UBLCP1: variants seen among roughly 807,000 people sequenced by gnomAD.
The protein encoded by UBLCP1 is ubiquitin-like domain-containing CTD phosphatase 1.
In UBLCP1, 28 loss-of-function variants were observed where a neutral mutation model predicts 42.4. The observed-to-expected ratio is 0.66, with a 90% CI of 0.49 to 0.90. The LOEUF (loss-of-function observed/expected upper bound fraction) is 0.90. Among genes scored for constraint, UBLCP1 ranks in the 40% least tolerant of loss-of-function variants. The pLI is 0.00. For missense variants in UBLCP1, 279 were observed against 374.5 expected, an observed-to-expected ratio of 0.75 and a Z score of 2.10; for synonymous variants, 122 against 120.8, an observed-to-expected ratio of 1.01 and a Z score of -0.07.
chr5:159,281,235 C>G (rs1753602045), intron 9 of UBLCP1, among the ~76,000 whole-genome samples: 1 of 152,170 alleles, frequency 6.6e-6, no homozygotes, highest in South Asian at 2.1e-4. Context: ...CCTGTAATTT[C>G]CTGCTGTTTA....
intron 6 of UBLCP1, 68 bp from the exon 7 acceptor site, chr5:159,274,517 T>A (rs1479805228): frequency 2.1e-6 from 3 of 1,415,302 alleles, no homozygotes; most frequent in Non-Finnish European, 2.9e-6. Context: ...AAAACTTACT[T>A]ATACAGATTT....
intron 9 of UBLCP1, among the ~76,000 whole-genome samples, chr5:159,280,862 G>C (rs1753599177): frequency 6.6e-6 from 1 of 152,170 alleles, no homozygotes; most frequent in Admixed American, 6.5e-5. Context: ...TTTATCGGCT[G>C]AAAACTCCAT....
At chr5:159,269,488 C>T (rs750724207) in intron 2 of UBLCP1, among the ~76,000 whole-genome samples, 1 of 152,122 alleles carries the variant, frequency 6.6e-6, no homozygotes, top group Non-Finnish European at 1.5e-5. Flanking sequence ...GCATTCATAT[C>T]CAGTTTAAAA....
intron 6 of UBLCP1, among the ~76,000 whole-genome samples, chr5:159,272,425 A>G (rs375325886): frequency 6.7e-6 from 1 of 149,806 alleles, no homozygotes; most frequent in African/African-American, 2.5e-5. Context: ...TTTTTTTTTT[A>G]ACTAGGCACA....
intron 2 of UBLCP1, 48 bp from the exon 3 acceptor site, chr5:159,269,860 C>A: frequency 6.9e-7 from 1 of 1,447,974 alleles, no homozygotes; most frequent in Non-Finnish European, 9.7e-7. Flanking sequence ...AATAGTGAAA[C>A]CAGCACCTGA....
chr5:159,269,819 A>C, intron 2 of UBLCP1, 89 bp from the exon 3 acceptor site: 1 of 1,067,730 alleles, frequency 9.4e-7, no homozygotes, highest in Non-Finnish European at 1.4e-6. Flanking sequence ...ATCTGTACCA[A>C]ACCTTTTAAT....
intron 8 of UBLCP1, among the ~76,000 whole-genome samples, chr5:159,275,892 C>T (rs548685535): frequency 6.6e-6 from 1 of 152,278 alleles, no homozygotes; most frequent in African/African-American, 2.4e-5. Context: ...AGCGAAAACA[C>T]TCACCCTGCC....
At position 159,285,975 on chromosome 5, in the gene UBLCP1, G is replaced by A. The variant is rs1753674820; in HGVS notation, c.*1044G>A. On this transcript the variant is annotated 3_prime_UTR_variant, in exon 11 of 11. Transcript: ENST00000296786. The stretch of plus-strand genomic sequence containing the variant: ...GAATTGATCCTTTTAAAGAAACATG[G>A]TGTATATTGTTCTTACAGGACTAAT... 6.5e-6 allele frequency: 1 copy of A among 152,706 alleles called. No homozygotes were observed. Among genetic ancestry groups the A allele is most frequent in the Non-Finnish European group, 1.5e-5 (1 of 68,014 alleles). 9.5% of individuals were successfully genotyped at this position (152,706 alleles called of 1,614,324 possible). A position where few individuals can be genotyped will look rare whatever the true frequency, so the allele number is the denominator to read the frequency against.
intron 9 of UBLCP1, among the ~76,000 whole-genome samples, chr5:159,279,302 G>C (rs1753577617): frequency 6.6e-6 from 1 of 152,238 alleles, no homozygotes; most frequent in African/African-American, 2.4e-5. Context: ...GCAGTCTTAT[G>C]TGACATTTCA....
Position 159,285,174 on chromosome 5 carries a change from T to C in UBLCP1, c.*243T>C. ...GAAAAATATTTTCTCCAGCGTTGGTTACTGACCACCCCACCCTCCCACCAC... is the reference window on the plus strand; with the variant it reads ...GAAAAATATTTTCTCCAGCGTTGGTCACTGACCACCCCACCCTCCCACCAC... On this transcript the variant is annotated 3_prime_UTR_variant, in exon 11 of 11. Transcript: ENST00000296786. 1 of 403,730 alleles carries C rather than the reference T, an allele frequency of 2.5e-6. No homozygotes were observed. The highest frequency in any genetic ancestry group is 2.4e-5 in the South Asian group (1 of 41,468). The allele number at this position is 403,730 out of a possible 1,614,324, so 25.0% of individuals were successfully genotyped here.
rs1753599744 is a variant in UBLCP1 at position 159,280,930 on chromosome 5, C to CT, written c.802-2280dup. Among the ~76,000 whole-genome samples the CT allele has an allele frequency of 3.9e-5, 6 of 152,304 alleles. No homozygotes were observed. In the South Asian group the frequency reaches 8.3e-4, roughly 21 times the overall value. On this transcript the variant is annotated intron_variant, in intron 9 of 10. Coordinates refer to ENST00000296786, the MANE Select transcript of UBLCP1 (RefSeq NM_145049.5). ...GGAGAATTCAGCTTATCTAGACAGT[C>CT]TTAAGTTTCTAAAAATGCTTCCTTG...
At chr5:159,265,642 G>A (rs756905698) in intron 1 of UBLCP1, among the ~76,000 whole-genome samples, 34 of 152,264 alleles carry the variant, frequency 2.2e-4, no homozygotes, top group African/African-American at 4.8e-4. Flanking sequence ...GATTTTTCCC[G>A]TGCTATTCTT....
intron 10 of UBLCP1, among the ~76,000 whole-genome samples, chr5:159,284,470 G>A (rs1241889126): frequency 1.3e-5 from 2 of 152,112 alleles, no homozygotes; most frequent in Non-Finnish European, 2.9e-5. Flanking sequence ...CTGTCTTGAT[G>A]TAACAAAAAT....
In UBLCP1 at chr5:159,283,287, G is replaced by T; in HGVS notation, c.877G>T (p.Glu293Ter). ...ELLKLTQYLK[E>*]IAKLDDFLDL... ...TTTAAAATTAACTCAGTACCTCAAG[G>T]AGATAGCAAAATTAGATGACTTTTT... The change falls in exon 10 of 11, where the codon GAG becomes TAG. Residue 293 changes from glutamate to a stop codon, truncating the protein, a stop_gained. Coordinates refer to ENST00000296786, the MANE Select transcript of UBLCP1 (RefSeq NM_145049.5). LOFTEE classifies it high-confidence loss of function. 1 of 1,604,762 alleles carries T rather than the reference G, an allele frequency of 6.2e-7. No homozygotes were observed. The highest frequency in any genetic ancestry group is 8.5e-7 in the Non-Finnish European group (1 of 1,176,672).
At chr5:159,274,678 TA>T (rs2113316452) in intron 7 of UBLCP1, 56 bp downstream of exon 7, 1 of 1,497,620 alleles carries the variant, frequency 6.7e-7, no homozygotes, top group African/African-American at 1.4e-5. Context: ...TTTGTCTTGT[TA>T]AAAGTTCTAG....
chr5:159,274,335 G>A, intron 6 of UBLCP1: 1 of 329,054 alleles, frequency 3.0e-6, no homozygotes, highest in Non-Finnish European at 5.6e-6. Flanking sequence ...TAGGTTCAGA[G>A]TTCTTTTGAG....
intron 5 of UBLCP1, 40 bp downstream of exon 5, chr5:159,270,683 C>A: frequency 8.0e-7 from 1 of 1,244,308 alleles, no homozygotes; most frequent in Non-Finnish European, 1.1e-6. Context: ...CTGTTACCCA[C>A]AACAACTCTT....
chr5:159,272,008 TC>T lies in UBLCP1; in HGVS notation c.449-14del. ...ATGGTAAACTAATAATTATTTATGA[TC>T]AATTTTCTTTTAGACCACAGGTCTT... On this transcript the variant is annotated splice_polypyrimidine_tract_variant and intron_variant, in intron 5 of 10. Coordinates refer to ENST00000296786, the MANE Select transcript of UBLCP1 (RefSeq NM_145049.5). 6.3e-7 allele frequency: 1 copy of T among 1,578,610 alleles called. No homozygotes were observed.
At position 159,272,001 on chromosome 5, in the gene UBLCP1, T is replaced by C. The variant is rs76916835; in HGVS notation, c.449-22T>C. 2.8e-4 allele frequency: 435 copies of C among 1,550,876 alleles called. 1 individual carries two copies. The African/African-American group carries it at 5.1e-3, about 18-fold the overall frequency. On this transcript the variant is annotated intron_variant, in intron 5 of 10. Transcript: ENST00000296786. ...GTTCATGATGGTAAACTAATAATTATTTATGATCAATTTTCTTTTAGACCA... is the reference window on the plus strand; with the variant it reads ...GTTCATGATGGTAAACTAATAATTACTTATGATCAATTTTCTTTTAGACCA...
Sources: allele counts gnomAD v4.1 joint callset (sites outside exome capture counted in the v4.1 genomes callset), GRCh38; gene constraint gnomAD v4.1.1; transcripts MANE v1.5; gene names NCBI Gene and HGNC (gene_info 2026-07-23, HGNC 2026-07-21).